The following TENM4 variants were observed in gnomAD, a reference collection of about 807,000 sequenced individuals.
The protein encoded by TENM4 is teneurin transmembrane protein 4.
Under a neutral mutation model 243.3 loss-of-function variants are expected in TENM4, and 82 were observed. The observed-to-expected ratio is 0.34, with a 90% CI of 0.28 to 0.40. The LOEUF is 0.40. Among genes scored for constraint, TENM4 ranks in the 10% least tolerant of loss-of-function variants. The pLI is 1.00. For synonymous variants in TENM4, 1,412 were observed against 1,456.3 expected, an observed-to-expected ratio of 0.97 and a Z score of 0.69; for missense variants, 3,138 against 3,673.3, an observed-to-expected ratio of 0.85 and a Z score of 3.77.
At chr11:78,733,652 G>A (rs1468013473) in intron 20 of TENM4, among the ~76,000 whole-genome samples, 1 of 152,162 alleles carries the variant, frequency 6.6e-6, no homozygotes, top group Non-Finnish European at 1.5e-5. Flanking sequence ...TTTGAACATT[G>A]AAGAAAACTG....
At position 78,866,248 on chromosome 11, in the gene TENM4, G is replaced by A. The variant is rs184183021; in HGVS notation, c.1085-3116C>T. Among the ~76,000 whole-genome samples, 60 of 152,262 alleles carry A rather than the reference G, an allele frequency of 3.9e-4. 1 individual carries two copies. The highest frequency in any genetic ancestry group is 4.0e-4 in the Non-Finnish European group (27 of 68,024). On this transcript the variant is annotated intron_variant, in intron 9 of 33. Transcript: ENST00000278550. ...CGGAGAAATTGTTTGAGCTACAGAC[G>A]AATCAGATATATGCAGCTAAGTAAG... is the stretch of plus-strand genomic sequence containing the variant.
chr11:78,887,812 T>C (rs1855578794), intron 9 of TENM4, among the ~76,000 whole-genome samples: 1 of 152,238 alleles, frequency 6.6e-6, no homozygotes, highest in Non-Finnish European at 1.5e-5. Flanking sequence ...TGATTAATCA[T>C]GTAAACACTT....
chr11:79,261,982 G>T (rs1590834475), intron 2 of TENM4, among the ~76,000 whole-genome samples: 1 of 152,160 alleles, frequency 6.6e-6, no homozygotes, highest in Non-Finnish European at 1.5e-5. Flanking sequence ...GCCCTGTAAG[G>T]ATTTTCTTAT....
chr11:78,843,909 T>C (rs1012415669), intron 12 of TENM4, among the ~76,000 whole-genome samples: 2 of 152,190 alleles, frequency 1.3e-5, no homozygotes, highest in Non-Finnish European at 2.9e-5. Context: ...TTCATGCCCA[T>C]AACAGAAGCT....
At chr11:79,030,040 G>C (rs1405652889) in intron 6 of TENM4, among the ~76,000 whole-genome samples, 2 of 152,104 alleles carry the variant, frequency 1.3e-5, no homozygotes, top group Non-Finnish European at 2.9e-5. Flanking sequence ...CCAGTTCAAT[G>C]GGAGGCAATC....
At chr11:78,801,435 C>G (rs1227300324) in intron 15 of TENM4, among the ~76,000 whole-genome samples, 1 of 152,148 alleles carries the variant, frequency 6.6e-6, no homozygotes, top group East Asian at 1.9e-4. Flanking sequence ...ATGCATGAGG[C>G]TGGACTGAAA....
Position 78,661,517 on chromosome 11 carries a change from CCATG to C in TENM4, c.7479_7482del (p.Asp2493GlufsTer15). 1 of 1,612,848 alleles carries C rather than the reference CCATG, an allele frequency of 6.2e-7. No homozygotes were observed. The highest frequency in any genetic ancestry group is 1.7e-5 in the Admixed American group (1 of 59,886). On this transcript the variant is annotated frameshift_variant, in exon 33 of 34. Coordinates refer to ENST00000278550, the MANE Select transcript of TENM4 (RefSeq NM_001098816.3). LOFTEE classifies it high-confidence loss of function. ...AGCTCGTAGGAGGGTTCCATGGCAT[CCATG>C]TCTGGTTTGGGATAACCAGGGATCA...
intron 4 of TENM4, among the ~76,000 whole-genome samples, chr11:79,092,217 G>A (rs60357436): frequency 0.011 from 1,740 of 152,250 alleles, 45 homozygotes; most frequent in African/African-American, 0.039. Context: ...CTTGGGGAGC[G>A]CCCAGTCTGG....
chr11:79,345,858 TGAA>T (rs1445302912), intron 1 of TENM4, among the ~76,000 whole-genome samples: 15 of 152,216 alleles, frequency 9.9e-5, no homozygotes, highest in Non-Finnish European at 2.2e-4. Context: ...GACTTCCAAG[TGAA>T]CAGTTTTTGA....
intron 20 of TENM4, among the ~76,000 whole-genome samples, chr11:78,733,982 A>G (rs1402176461): frequency 6.6e-6 from 1 of 152,184 alleles, no homozygotes; most frequent in Non-Finnish European, 1.5e-5. Flanking sequence ...TGAGATCAGG[A>G]GTTCGAGACC....
chr11:79,224,939 C>A (rs1158859276), intron 2 of TENM4, among the ~76,000 whole-genome samples: 3 of 151,526 alleles, frequency 2.0e-5, no homozygotes, highest in African/African-American at 7.3e-5. Flanking sequence ...CAACAAGAGC[C>A]AGACTCTGTC....
At chr11:79,158,424 T>C (rs1441066387) in intron 3 of TENM4, among the ~76,000 whole-genome samples, 1 of 152,204 alleles carries the variant, frequency 6.6e-6, no homozygotes, top group African/African-American at 2.4e-5. Context: ...CTACAAGGTC[T>C]CAACAACTTA....
intron 6 of TENM4, among the ~76,000 whole-genome samples, chr11:79,016,486 T>C (rs1430416849): frequency 6.6e-6 from 1 of 152,176 alleles, no homozygotes; most frequent in Non-Finnish European, 1.5e-5. Flanking sequence ...TTATGAGTTT[T>C]GTTTTAGTTA....
chr11:79,300,400 T>G (rs1355312841), intron 1 of TENM4, among the ~76,000 whole-genome samples: 1 of 152,224 alleles, frequency 6.6e-6, no homozygotes, highest in Admixed American at 6.5e-5. Flanking sequence ...AATCTCCTAC[T>G]GATGGACACA....
chr11:79,309,806 C>G (rs974647288), intron 1 of TENM4, among the ~76,000 whole-genome samples: 1 of 152,162 alleles, frequency 6.6e-6, no homozygotes, highest in African/African-American at 2.4e-5. Flanking sequence ...CTTATAGCAT[C>G]GGTTTCCTCA....
intron 2 of TENM4, among the ~76,000 whole-genome samples, chr11:79,287,921 CTTAAGGGTGAAGG>C (rs1291763664): frequency 6.6e-6 from 1 of 152,146 alleles, no homozygotes; most frequent in Non-Finnish European, 1.5e-5. Context: ...CAGCCCACAC[CTTAAGGGTGAAGG>C]AGTGGGATGC....
intron 1 of TENM4, among the ~76,000 whole-genome samples, chr11:79,418,766 C>G (rs1466242903): frequency 6.6e-6 from 1 of 152,178 alleles, no homozygotes; most frequent in Non-Finnish European, 1.5e-5. Flanking sequence ...ACATTTACAC[C>G]CCACTCCAAT....
intron 17 of TENM4, among the ~76,000 whole-genome samples, chr11:78,772,446 T>A (rs2135997953): frequency 6.6e-6 from 1 of 152,304 alleles, no homozygotes. Flanking sequence ...GGGAGAGGTA[T>A]GGATGTGAAA....
chr11:78,987,738 C>A (rs560263705), intron 6 of TENM4, among the ~76,000 whole-genome samples: 1 of 152,256 alleles, frequency 6.6e-6, no homozygotes, highest in African/African-American at 2.4e-5. Context: ...ACCATTATAG[C>A]CACTTTCTAT....
Sources: allele counts gnomAD v4.1 joint callset (sites outside exome capture counted in the v4.1 genomes callset), GRCh38; gene constraint gnomAD v4.1.1; transcripts MANE v1.5; gene names NCBI Gene and HGNC (gene_info 2026-07-23, HGNC 2026-07-21).